The following OPHN1 variants were observed in gnomAD, a reference collection of about 807,000 sequenced individuals.
The protein encoded by OPHN1 is oligophrenin-1.
A neutral mutation model predicts 60.7 loss-of-function variants in OPHN1; 11 were observed. That is an observed-to-expected ratio of 0.18 (90% CI 0.11 to 0.30). The LOEUF (loss-of-function observed/expected upper bound fraction) is 0.30, where lower values mean the gene tolerates loss of function less well. Among genes scored for constraint, OPHN1 ranks in the 10% least tolerant of loss-of-function variants. The probability of loss-of-function intolerance (pLI) is 1.00; values close to 1 mark genes in which losing one functional copy is unlikely to be tolerated. For synonymous variants in OPHN1, 226 were observed against 222.6 expected (o/e 1.02, Z -0.14); for missense variants, 449 against 611.0 (o/e 0.73, Z 2.80).
intron 2 of OPHN1, among the ~76,000 whole-genome samples, chrX:68,324,385 T>C (rs57234469): frequency 0.066 from 7,201 of 108,549 alleles, 631 homozygotes; most frequent in African/African-American, 0.23. Context: ...AGAGGATCAT[T>C]TGAGCCCAGG....
intron 2 of OPHN1, among the ~76,000 whole-genome samples, chrX:68,356,780 T>C (rs2078443189): frequency 1.8e-5 from 2 of 111,386 alleles, no homozygotes; most frequent in African/African-American, 6.5e-5. Context: ...CCCTTCTGAA[T>C]ACACTGAGGT....
intron 5 of OPHN1, among the ~76,000 whole-genome samples, chrX:68,269,154 C>G (rs1277291702): frequency 9.0e-6 from 1 of 111,433 alleles, no homozygotes; most frequent in Non-Finnish European, 1.9e-5. Flanking sequence ...TGAAAATGGC[C>G]ATACTGCCCA....
At chrX:68,170,688 A>G (rs1228340317) in intron 15 of OPHN1, among the ~76,000 whole-genome samples, 2 of 105,621 alleles carry the variant, frequency 1.9e-5, no homozygotes, top group African/African-American at 3.5e-5. Context: ...AGAACAAAAA[A>G]ACCAAACACC....
chrX:68,433,123 C>T, intron 1 of OPHN1, 45 bp downstream of exon 1: 1 of 865,470 alleles, frequency 1.2e-6, no homozygotes, highest in Non-Finnish European at 1.6e-6. Flanking sequence ...GCGCGCGACC[C>T]GCTTAAGGAA....
intron 15 of OPHN1, among the ~76,000 whole-genome samples, chrX:68,182,867 G>A (rs2077444834): frequency 8.9e-6 from 1 of 111,818 alleles, no homozygotes; most frequent in Non-Finnish European, 1.9e-5. Context: ...AGCCAAGATT[G>A]TGTCACTGCA....
intron 10 of OPHN1, among the ~76,000 whole-genome samples, chrX:68,202,850 C>T (rs1283076427): frequency 1.8e-5 from 2 of 111,548 alleles, no homozygotes; most frequent in Admixed American, 1.9e-4. Context: ...AGAGAAGTGA[C>T]ACTTAAAGAA....
At chrX:68,190,871 A>G (rs1261916855) in intron 15 of OPHN1, among the ~76,000 whole-genome samples, 2 of 112,158 alleles carry the variant, frequency 1.8e-5, no homozygotes, top group Non-Finnish European at 3.8e-5. Context: ...ATTGACCAGG[A>G]ATAAGCAATC....
chrX:68,078,627 C>T (rs932543068), intron 19 of OPHN1, among the ~76,000 whole-genome samples: 2 of 110,975 alleles, frequency 1.8e-5, no homozygotes, highest in African/African-American at 3.3e-5. Flanking sequence ...ATATACCAGA[C>T]CATAGACACC....
At chrX:68,205,969 AGTGTGTGTGAGTGT>A (rs1479388716) in intron 10 of OPHN1, among the ~76,000 whole-genome samples, 3 of 48,089 alleles carry the variant, frequency 6.2e-5, no homozygotes, top group African/African-American at 1.6e-4. Flanking sequence ...TGTGTGTGTG[AGTGTGTGTGAGTGT>A]GTGTGTGTGT....
chrX:68,416,051 TATATATATATATATATAG>T (rs1298020830), intron 2 of OPHN1, among the ~76,000 whole-genome samples: 16 of 24,411 alleles, frequency 6.6e-4, no homozygotes, highest in African/African-American at 1.9e-3. Context: ...TATATATATA[TATATATATATATATATAG>T]AGAGAGAGAG....
intron 5 of OPHN1, among the ~76,000 whole-genome samples, chrX:68,236,176 TTC>T (rs778477926): frequency 9.0e-6 from 1 of 110,907 alleles, no homozygotes; most frequent in East Asian, 2.9e-4. Context: ...ACTCGAGAAG[TTC>T]CATAGCCCAA....
intron 19 of OPHN1, among the ~76,000 whole-genome samples, chrX:68,093,715 C>G (rs899604579): frequency 2.7e-5 from 3 of 111,458 alleles, no homozygotes. Flanking sequence ...TTAATTGCCA[C>G]GCATACGTCA....
chrX:68,238,167 T>C lies in OPHN1; in HGVS notation c.385-3579A>G, dbSNP rs181574857. ...CATTGTTTGTGATGTTACGTAGGAA[T>C]CCAGCTTTATATTTCTCTATATAGA... On this transcript the variant is annotated intron_variant, in intron 5 of 24. Coordinates refer to ENST00000355520, the MANE Select transcript of OPHN1 (RefSeq NM_002547.3). Among the ~76,000 whole-genome samples, 569 of 111,984 alleles carry C rather than the reference T, an allele frequency of 5.1e-3. 1 individual carries two copies. Among genetic ancestry groups the C allele is most frequent in the Non-Finnish European group, 8.2e-3 (439 of 53,223 alleles).
chrX:68,398,801 T>G (rs779801124), intron 2 of OPHN1, among the ~76,000 whole-genome samples: 21 of 109,819 alleles, frequency 1.9e-4, no homozygotes, highest in Non-Finnish European at 3.4e-4. Flanking sequence ...CTACAAAAAT[T>G]AGCCAGGCGT....
At chrX:68,395,834 C>T (rs1349707124) in intron 2 of OPHN1, among the ~76,000 whole-genome samples, 1 of 111,093 alleles carries the variant, frequency 9.0e-6, no homozygotes, top group African/African-American at 3.3e-5. Flanking sequence ...GATCCTCTTA[C>T]CTCGGCCACC....
intron 2 of OPHN1, among the ~76,000 whole-genome samples, chrX:68,372,426 G>A (rs1021553046): frequency 2.7e-5 from 3 of 111,285 alleles, no homozygotes; most frequent in African/African-American, 3.3e-5. Flanking sequence ...ATATTTTACC[G>A]AAATATGCCT....
At chrX:68,303,688 A>C (rs1243804179) in intron 2 of OPHN1, among the ~76,000 whole-genome samples, 1 of 110,995 alleles carries the variant, frequency 9.0e-6, no homozygotes, top group Non-Finnish European at 1.9e-5. Context: ...ATATATATAC[A>C]CAGTGAAATA....
At chrX:68,286,576 C>T (rs2078042240) in intron 3 of OPHN1, among the ~76,000 whole-genome samples, 1 of 111,890 alleles carries the variant, frequency 8.9e-6, no homozygotes, top group Non-Finnish European at 1.9e-5. Context: ...CCAGGAATAT[C>T]TCACAGCTCT....
At chrX:68,378,521 G>C (rs2078574573) in intron 2 of OPHN1, among the ~76,000 whole-genome samples, 3 of 111,807 alleles carry the variant, frequency 2.7e-5, no homozygotes, top group African/African-American at 6.5e-5. Flanking sequence ...CCTATGTCCT[G>C]AATGGTAATG....
Sources: gnomAD v4.1 joint callset for allele counts (sites outside exome capture counted in the v4.1 genomes callset) on GRCh38, gnomAD v4.1.1 for gene constraint, MANE v1.5 for transcripts, NCBI Gene and HGNC (gene_info 2026-07-23, HGNC 2026-07-21) for gene names.